VPS13C: variants seen among roughly 807,000 people sequenced by gnomAD.
The protein encoded by VPS13C is vacuolar protein sorting 13 homolog C.
VPS13C carries 358 observed loss-of-function variants against 456.8 expected under a neutral mutation model. The observed-to-expected ratio is 0.78, with a 90% CI of 0.72 to 0.86. The LOEUF (loss-of-function observed/expected upper bound fraction) is 0.86, where lower values mean the gene tolerates loss of function less well. Among genes scored for constraint, VPS13C ranks in the 40% least tolerant of loss-of-function variants. VPS13C has a pLI of 0.00. For synonymous variants in VPS13C, 1,578 were observed against 1,486.7 expected (o/e 1.06, Z -1.41); for missense variants, 4,818 against 4,385.4 (o/e 1.10, Z -2.79).
At position 61,868,784 on chromosome 15, in the gene VPS13C, C is replaced by T. The variant is rs745677257; in HGVS notation, c.10749-11G>A. The T allele has an allele frequency of 2.2e-5, 36 of 1,606,620 alleles. No homozygotes were observed. The highest frequency in any genetic ancestry group is 3.0e-5 in the Non-Finnish European group (35 of 1,175,190). The stretch of plus-strand genomic sequence containing the variant: ...GTTGATTCTGCTGCCCTGAATAAGG[C>T]ATCAGAGTAAGTGTAAGAAAATACG... On this transcript the variant is annotated splice_polypyrimidine_tract_variant and intron_variant, in intron 80 of 84. Coordinates refer to ENST00000644861, the MANE Select transcript of VPS13C (RefSeq NM_020821.3).
chr15:62,018,186 G>A (rs1228793024), intron 9 of VPS13C, among the ~76,000 whole-genome samples: 1 of 152,128 alleles, frequency 6.6e-6, no homozygotes, highest in Non-Finnish European at 1.5e-5. Flanking sequence ...GAGATTTGGG[G>A]CTGAGACGAT....
chr15:62,002,922 G>A (rs565832064), intron 15 of VPS13C, among the ~76,000 whole-genome samples: 7 of 152,276 alleles, frequency 4.6e-5, no homozygotes, highest in Non-Finnish European at 8.8e-5. Flanking sequence ...GGTTACTGTA[G>A]CCTTGGAGTA....
chr15:62,018,890 G>C (rs1184669591), intron 9 of VPS13C, among the ~76,000 whole-genome samples: 1 of 152,150 alleles, frequency 6.6e-6, no homozygotes, highest in Admixed American at 6.5e-5. Flanking sequence ...ACCTCTGGTA[G>C]AATTCGGCTG....
chr15:61,966,094 G>A lies in VPS13C; in HGVS notation c.3040C>T (p.Gln1014Ter), dbSNP rs1192755528. Residue 1014 changes from glutamine to a stop codon, truncating the protein, a stop_gained, in exon 30 of 85, where the codon CAA becomes TAA. Transcript: ENST00000644861. LOFTEE classifies it high-confidence loss of function. ...ACAGAATTTCTTACCTTAACTGTTT[G>A]TTCAGTTTTTCCAAAAGCAGTTTGA... is the stretch of plus-strand genomic sequence containing the variant. Reference protein sequence around the residue: ...SFQTAFGKTEQTVKVAFSSLN... With the variant: ...SFQTAFGKTE 7 of 1,601,646 alleles carry A rather than the reference G, an allele frequency of 4.4e-6. No homozygotes were observed. Among genetic ancestry groups the A allele is most frequent in the Non-Finnish European group, 8.5e-7 (1 of 1,173,172 alleles).
Position 61,966,111 on chromosome 15 carries a change from G to T in VPS13C, c.3023C>A (p.Ala1008Asp), listed in dbSNP as rs1191845569. The T allele has an allele frequency of 6.2e-7, 1 of 1,605,408 alleles. No individual in the cohort carries two copies. Among genetic ancestry groups the T allele is most frequent in the East Asian group, 2.3e-5 (1 of 44,444 alleles). ...ADKNGPSFQT[A>D]FGKTEQTVKV... ...AACTGTTTGTTCAGTTTTTCCAAAAGCAGTTTGAAAACTAGGTCCATTCTT... is the reference window on the plus strand; with the variant it reads ...AACTGTTTGTTCAGTTTTTCCAAAATCAGTTTGAAAACTAGGTCCATTCTT... Residue 1008 changes from alanine to aspartate, a missense_variant, in exon 30 of 85, where the codon GCT (alanine) becomes GAT (aspartate). Ala to Asp is a moderately radical substitution (Grantham distance 126). Around this residue, in one of 3 missense-constraint regions of VPS13C, gnomAD observed 4,552 missense variants for 4,130.6 expected, o/e 1.10. Coordinates refer to ENST00000644861, the MANE Select transcript of VPS13C (RefSeq NM_020821.3).
chr15:62,013,752 C>T (rs1003960759), intron 10 of VPS13C, among the ~76,000 whole-genome samples, 181 bp downstream of exon 10: 1 of 151,910 alleles, frequency 6.6e-6, no homozygotes, highest in Admixed American at 6.6e-5. Context: ...AGGTAAAGAA[C>T]CTATATCTCA....
chr15:62,004,368 C>G (rs1314559846), intron 15 of VPS13C, among the ~76,000 whole-genome samples: 2 of 151,930 alleles, frequency 1.3e-5, no homozygotes, highest in Non-Finnish European at 2.9e-5. Context: ...GTGGTGATAT[C>G]CCCTTTATCA....
intron 47 of VPS13C, among the ~76,000 whole-genome samples, chr15:61,938,461 G>A (rs1292983109): frequency 6.6e-6 from 1 of 152,014 alleles, no homozygotes; most frequent in Non-Finnish European, 1.5e-5. Flanking sequence ...TGCATCCCAG[G>A]CCCAGGAAAA....
chr15:62,011,131 A>C (rs2047024905), intron 12 of VPS13C, among the ~76,000 whole-genome samples: 1 of 152,134 alleles, frequency 6.6e-6, no homozygotes. Context: ...ATAATCTTCA[A>C]GTTGAGAAGT....
chr15:62,038,940 T>C (rs2048152324), intron 3 of VPS13C, among the ~76,000 whole-genome samples: 2 of 152,020 alleles, frequency 1.3e-5, no homozygotes, highest in East Asian at 1.9e-4. Flanking sequence ...TATTAAAAAG[T>C]CAAAAAATAA....
In VPS13C at chr15:61,966,482, A is replaced by AT. The variant is rs2045380879; in HGVS notation, c.2992-341dup. On this transcript the variant is annotated intron_variant, in intron 29 of 84. Coordinates refer to ENST00000644861, the MANE Select transcript of VPS13C (RefSeq NM_020821.3). ...TCCATAAAGTCGTCAGCAAGTCTACATTTTTTTATATCTCCAGTAAAAGAA... is the reference window on the plus strand; with the variant it reads ...TCCATAAAGTCGTCAGCAAGTCTACATTTTTTTTATATCTCCAGTAAAAGAA... Among the ~76,000 whole-genome samples, 6 of 151,906 alleles carry AT rather than the reference A, an allele frequency of 3.9e-5. No individual in the cohort carries two copies. The South Asian group carries it at 8.3e-4, about 21-fold the overall frequency.
chr15:62,007,390 T>G lies in VPS13C; in HGVS notation c.1208A>C (p.Gln403Pro). 1 of 1,613,218 alleles carries G rather than the reference T, an allele frequency of 6.2e-7. No individual in the cohort carries two copies. The highest frequency in any genetic ancestry group is 1.3e-5 in the African/African-American group (1 of 75,056). Residue 403 changes from glutamine to proline, a missense_variant, in exon 15 of 85, where the codon CAG becomes CCG. Around this residue, in one of 3 missense-constraint regions of VPS13C, gnomAD observed 4,552 missense variants for 4,130.6 expected, o/e 1.10. Transcript: ENST00000644861. ...GGCAATTTTATAACTCTTGAGTAAC[T>G]GCCTGTGCTTTTTTATGTTACTCCA... Reference protein sequence around the residue: ...WSWSNIKKHRQLLKSYKIAYK... With the variant: ...WSWSNIKKHRPLLKSYKIAYK...
chr15:61,954,570 G>A lies in VPS13C; in HGVS notation c.4166-16C>T. The A allele has an allele frequency of 6.4e-7, 1 of 1,565,812 alleles. No homozygotes were observed. The highest frequency in any genetic ancestry group is 8.6e-7 in the Non-Finnish European group (1 of 1,162,222). ...TTAATTTCACCTGAAATGTTTAAAA[G>A]AAATTCATTACTTTTATTCACAAAT... On this transcript the variant is annotated splice_polypyrimidine_tract_variant and intron_variant, in intron 37 of 84. Coordinates refer to ENST00000644861, the MANE Select transcript of VPS13C (RefSeq NM_020821.3).
intron 15 of VPS13C, among the ~76,000 whole-genome samples, chr15:62,002,596 T>C (rs1373015301): frequency 6.6e-6 from 1 of 152,220 alleles, no homozygotes; most frequent in African/African-American, 2.4e-5. Context: ...TCCTTGTCCA[T>C]GCCTATGTCC....
In VPS13C at chr15:61,882,062, A is replaced by AC. The variant is rs138217948; in HGVS notation, c.9625-235_9625-234insG. ...CATAATTGTATTAACAGTGTGCAGTATGTACATCATTAATGAAAATACTTG... is the reference window on the plus strand; with the variant it reads ...CATAATTGTATTAACAGTGTGCAGTACTGTACATCATTAATGAAAATACTTG... On this transcript the variant is annotated intron_variant, in intron 69 of 84. Transcript: ENST00000644861. Among the ~76,000 whole-genome samples, 132 of 152,322 alleles carry AC rather than the reference A, an allele frequency of 8.7e-4. 1 individual carries two copies. The highest frequency in any genetic ancestry group is 2.1e-3 in the South Asian group (10 of 4,828).
rs1270288467 is a variant in VPS13C, at chr15:61,867,279, TA to T, written c.10863+1379del. 1 of 984,402 alleles carries T rather than the reference TA, an allele frequency of 1.0e-6. No individual in the cohort carries two copies. The highest frequency in any genetic ancestry group is 1.7e-5 in the African/African-American group (1 of 57,200). 61.0% of individuals were successfully genotyped at this position (984,402 alleles called of 1,614,324 possible). On this transcript the variant is annotated intron_variant, in intron 81 of 84. Coordinates refer to ENST00000644861, the MANE Select transcript of VPS13C (RefSeq NM_020821.3). This position sits in a 1 kb window ranked among gnomAD's most constrained non-coding sequence, Gnocchi z 5.0. ...AAATGCTAAAGGCTGAAAATGTATA[TA>T]ACATAATTATAAAATGGCTATCATT...
chr15:61,860,535 C>A (rs570452266), intron 82 of VPS13C, among the ~76,000 whole-genome samples: 5 of 151,942 alleles, frequency 3.3e-5, no homozygotes. Context: ...AAATAAATAA[C>A]AATAAGATAC....
intron 55 of VPS13C, among the ~76,000 whole-genome samples, chr15:61,921,596 T>C (rs2043657928): frequency 1.3e-5 from 2 of 152,080 alleles, no homozygotes; most frequent in African/African-American, 2.4e-5. Flanking sequence ...TACATGCTAA[T>C]ATAAATAACA....
At chr15:61,976,121 T>C (rs1172998101) in intron 24 of VPS13C, among the ~76,000 whole-genome samples, 1 of 152,090 alleles carries the variant, frequency 6.6e-6, no homozygotes, top group Admixed American at 6.6e-5. Context: ...TGTCATCATG[T>C]TGACTCTCAA....
Sources: gnomAD v4.1 joint callset for allele counts (sites outside exome capture counted in the v4.1 genomes callset) on GRCh38, gnomAD v4.1.1 for gene constraint, gnomAD v4.1.1 regional missense constraint, Gnocchi (gnomAD v3.1) non-coding constraint, MANE v1.5 for transcripts, NCBI Gene and HGNC (gene_info 2026-07-23, HGNC 2026-07-21) for gene names.